MMP16: variants seen among roughly 807,000 people sequenced by gnomAD.
MMP16 encodes matrix metalloproteinase-16.
Under a neutral mutation model 67.8 loss-of-function variants are expected in MMP16, and 12 were observed. That is an observed-to-expected ratio of 0.18 (90% confidence interval 0.11 to 0.29). The LOEUF is 0.29. Ranked by LOEUF, MMP16 falls within the 10% of genes least tolerant of loss-of-function variation. MMP16 has a pLI of 1.00. For missense variants in MMP16, 475 were observed against 765.7 expected, an observed-to-expected ratio of 0.62 and a Z score of 4.48; for synonymous variants, 249 against 255.9, an observed-to-expected ratio of 0.97 and a Z score of 0.26.
At chr8:88,163,647 T>A (rs946011013) in intron 4 of MMP16, among the ~76,000 whole-genome samples, 4 of 152,074 alleles carry the variant, frequency 2.6e-5, no homozygotes, top group Non-Finnish European at 5.9e-5. Flanking sequence ...TTAGGAAGAA[T>A]CTTTGTGATA....
intron 1 of MMP16, among the ~76,000 whole-genome samples, chr8:88,214,484 A>T (rs1350513886): frequency 6.6e-6 from 1 of 151,902 alleles, no homozygotes; most frequent in Non-Finnish European, 1.5e-5. Context: ...GAATACCTCA[A>T]CCTTTTAGTT....
chr8:88,122,049 T>C (rs17721450), intron 4 of MMP16, among the ~76,000 whole-genome samples: 95,257 of 151,862 alleles, frequency 0.63, 30,826 homozygotes, highest in African/African-American at 0.79. Context: ...ACTTTGGCTC[T>C]TCCATTCCTT....
intron 4 of MMP16, among the ~76,000 whole-genome samples, chr8:88,148,953 G>C (rs1408283276): frequency 2.6e-5 from 4 of 152,204 alleles, no homozygotes; most frequent in Non-Finnish European, 4.4e-5. Context: ...GAGGTACCGG[G>C]TTCATCTCAT....
intron 6 of MMP16, among the ~76,000 whole-genome samples, chr8:88,076,999 T>C (rs937214441): frequency 1.3e-5 from 2 of 152,116 alleles, no homozygotes; most frequent in African/African-American, 4.8e-5. Context: ...GACAGACACA[T>C]GTTGCAGTCT....
At chr8:88,105,008 G>A (rs1425121976) in intron 6 of MMP16, among the ~76,000 whole-genome samples, 2 of 151,272 alleles carry the variant, frequency 1.3e-5, no homozygotes, top group South Asian at 2.1e-4. Flanking sequence ...TTATGAAGTC[G>A]ACAGTAGTGT....
intron 6 of MMP16, among the ~76,000 whole-genome samples, chr8:88,081,070 T>G (rs2664352): frequency 1.3e-5 from 2 of 151,692 alleles, no homozygotes; most frequent in Non-Finnish European, 2.9e-5. Context: ...GGCAGTCTCA[T>G]AGGTGAGTGG....
intron 3 of MMP16, among the ~76,000 whole-genome samples, chr8:88,183,712 CTTTTTTTTT>C (rs71277981): frequency 6.5e-5 from 6 of 92,068 alleles, no homozygotes; most frequent in Non-Finnish European, 1.0e-4. Flanking sequence ...AAATGTCCTT[CTTTTTTTTT>C]TTTTTTTTTT....
intron 4 of MMP16, among the ~76,000 whole-genome samples, chr8:88,139,546 G>A (rs1017964651): frequency 1.3e-5 from 2 of 152,056 alleles, no homozygotes; most frequent in African/African-American, 4.8e-5. Flanking sequence ...CACAGTCTAC[G>A]TATTTATTGA....
At chr8:88,277,138 TCAC>T (rs1810661539) in intron 1 of MMP16, among the ~76,000 whole-genome samples, 1 of 152,150 alleles carries the variant, frequency 6.6e-6, no homozygotes, top group Non-Finnish European at 1.5e-5. Context: ...TATTCTGAAG[TCAC>T]CACAGTAAAA....
chr8:88,111,174 G>T (rs1322242665), intron 6 of MMP16, among the ~76,000 whole-genome samples: 1 of 151,686 alleles, frequency 6.6e-6, no homozygotes, highest in Non-Finnish European at 1.5e-5. Flanking sequence ...CCACTAAATT[G>T]AGAGTTGAGA....
intron 3 of MMP16, among the ~76,000 whole-genome samples, chr8:88,168,469 G>A (rs1052981724): frequency 6.6e-6 from 1 of 152,138 alleles, no homozygotes; most frequent in African/African-American, 2.4e-5. Flanking sequence ...AATGATCAAA[G>A]AACTACAATT....
chr8:88,187,652 AT>A (rs1471135815), intron 2 of MMP16, among the ~76,000 whole-genome samples: 1 of 152,216 alleles, frequency 6.6e-6, no homozygotes. Flanking sequence ...AGTAATTTGC[AT>A]GTGAAGTAAT....
intron 2 of MMP16, among the ~76,000 whole-genome samples, chr8:88,191,610 G>A (rs999021766): frequency 2.6e-5 from 4 of 151,964 alleles, no homozygotes; most frequent in African/African-American, 9.7e-5. Flanking sequence ...ACTGTCCCCT[G>A]TTTTATGTAA....
intron 4 of MMP16, among the ~76,000 whole-genome samples, chr8:88,157,452 G>A (rs905613878): frequency 2.6e-5 from 4 of 151,858 alleles, no homozygotes; most frequent in African/African-American, 4.8e-5. Flanking sequence ...GATACCAGGG[G>A]ATGGCATATA....
intron 1 of MMP16, among the ~76,000 whole-genome samples, chr8:88,258,967 C>A (rs1810346254): frequency 6.6e-6 from 1 of 152,152 alleles, no homozygotes; most frequent in African/African-American, 2.4e-5. Context: ...CCATAAAAAT[C>A]CCAAGAACCT....
intron 4 of MMP16, among the ~76,000 whole-genome samples, chr8:88,158,828 C>T (rs1016582175): frequency 1.3e-5 from 2 of 151,682 alleles, no homozygotes; most frequent in African/African-American, 4.8e-5. Flanking sequence ...AATCCATCTT[C>T]ACTTAATTTT....
intron 1 of MMP16, among the ~76,000 whole-genome samples, chr8:88,257,472 T>C (rs1170749062): frequency 1.3e-5 from 2 of 152,238 alleles, no homozygotes; most frequent in Non-Finnish European, 2.9e-5. Context: ...AAATCTAGTT[T>C]ACAATTACTT....
chr8:88,249,632 C>T (rs1810174274), intron 1 of MMP16, among the ~76,000 whole-genome samples: 1 of 152,106 alleles, frequency 6.6e-6, no homozygotes, highest in South Asian at 2.1e-4. Context: ...GAATGCCCTT[C>T]ACCTGGCTAG....
chr8:88,091,698 T>G (rs533756836), intron 6 of MMP16, among the ~76,000 whole-genome samples: 1 of 152,018 alleles, frequency 6.6e-6, no homozygotes, highest in South Asian at 2.1e-4. Flanking sequence ...AATCAATTAA[T>G]ACGTCCCCAA....
Sources: allele counts gnomAD v4.1 joint callset (sites outside exome capture counted in the v4.1 genomes callset), GRCh38; gene constraint gnomAD v4.1.1; transcripts MANE v1.5; gene names NCBI Gene and HGNC (gene_info 2026-07-23, HGNC 2026-07-21).